The following SAMSN1 variants were observed in gnomAD, a reference collection of about 807,000 sequenced individuals.
SAMSN1 encodes SAM domain-containing protein SAMSN-1.
In SAMSN1, 31 loss-of-function variants were observed where a neutral mutation model predicts 42.0. The observed-to-expected ratio is 0.74, with a 90% CI of 0.55 to 1.00. SAMSN1 has a LOEUF of 1.00. Ranked by LOEUF, SAMSN1 falls within the 50% of genes least tolerant of loss-of-function variation. The pLI, the probability that SAMSN1 is intolerant of heterozygous loss-of-function variation, is 0.00. For synonymous variants in SAMSN1, 178 were observed against 151.9 expected (o/e 1.17, Z -1.26); for missense variants, 464 against 439.4 (o/e 1.06, Z -0.50).
chr21:14,658,380 G>T (rs991006609), intron 1 of SAMSN1, among the ~76,000 whole-genome samples: 3 of 151,708 alleles, frequency 2.0e-5, no homozygotes, highest in African/African-American at 7.3e-5. Flanking sequence ...TTGATTCCTG[G>T]GATGTCTCAA....
At chr21:14,566,630 C>T (rs550284287) in intron 2 of SAMSN1, among the ~76,000 whole-genome samples, 8 of 152,098 alleles carry the variant, frequency 5.3e-5, no homozygotes, top group Non-Finnish European at 8.8e-5. Flanking sequence ...TTCTGCCTCC[C>T]GGGTTCAAGC....
chr21:14,624,020 A>G (rs1983094244), intron 2 of SAMSN1, among the ~76,000 whole-genome samples: 1 of 152,256 alleles, frequency 6.6e-6, no homozygotes, highest in South Asian at 2.1e-4. Flanking sequence ...CTGCTCTTGA[A>G]TGACTACTGG....
At chr21:14,513,746 T>A (rs1261140294) in intron 3 of SAMSN1, among the ~76,000 whole-genome samples, 1 of 152,204 alleles carries the variant, frequency 6.6e-6, no homozygotes, top group Non-Finnish European at 1.5e-5. Context: ...TAAGAAGATG[T>A]AACTTATGTG....
intron 1 of SAMSN1, among the ~76,000 whole-genome samples, chr21:14,643,676 T>C (rs1188514937): frequency 2.6e-5 from 4 of 152,170 alleles, no homozygotes; most frequent in African/African-American, 7.2e-5. Context: ...TTAACAACTA[T>C]CTACACAGAA....
chr21:14,587,744 C>G (rs569973978), upstream of SAMSN1, among the ~76,000 whole-genome samples: 15 of 150,742 alleles, frequency 1.0e-4, 1 homozygote, highest in East Asian at 2.1e-3. Context: ...TATCCATCAC[C>G]TTATTTATTT....
intron 6 of SAMSN1, among the ~76,000 whole-genome samples, chr21:14,597,299 G>A (rs574362557): frequency 9.9e-5 from 15 of 152,116 alleles, no homozygotes; most frequent in Non-Finnish European, 2.1e-4. Flanking sequence ...ATGAAAAATT[G>A]GTCCCATTTT....
intron 2 of SAMSN1, among the ~76,000 whole-genome samples, chr21:14,625,109 G>A (rs1193401817): frequency 1.3e-5 from 2 of 151,988 alleles, no homozygotes; most frequent in African/African-American, 2.4e-5. Context: ...AATAAATTAG[G>A]TATTGATGGG....
chr21:14,636,782 T>G (rs1434425407), intron 2 of SAMSN1, among the ~76,000 whole-genome samples: 1 of 151,948 alleles, frequency 6.6e-6, no homozygotes, highest in Non-Finnish European at 1.5e-5. Context: ...TGGAATTGCT[T>G]GAACCCTGGG....
At chr21:14,497,975 G>A (rs530261997) in intron 7 of SAMSN1, among the ~76,000 whole-genome samples, 3 of 152,172 alleles carry the variant, frequency 2.0e-5, no homozygotes, top group Non-Finnish European at 4.4e-5. Flanking sequence ...ATAACATTTT[G>A]AAAGAGTACT....
rs140881281 is a variant in SAMSN1 at position 14,526,388 on chromosome 21, C to T, written c.58-5167G>A. On this transcript the variant is annotated intron_variant, in intron 1 of 7. Coordinates refer to ENST00000400566, the MANE Select transcript of SAMSN1 (RefSeq NM_022136.5). ...GCAGTTAACCTTCTTCCACACAGTC[C>T]ACTTGGCTTACCCAAAAATAGTACA... is the stretch of plus-strand genomic sequence containing the variant. 1.2e-3 allele frequency among the ~76,000 whole-genome samples: 176 copies of T among 152,250 alleles called. 1 individual carries two copies. The East Asian group carries it at 0.027, about 23-fold the overall frequency.
intron 2 of SAMSN1, among the ~76,000 whole-genome samples, chr21:14,636,859 G>A (rs1199370884): frequency 1.3e-5 from 2 of 151,694 alleles, no homozygotes; most frequent in Non-Finnish European, 2.9e-5. Context: ...GCGAGATTCC[G>A]TCTCAAAAAA....
intron 2 of SAMSN1, among the ~76,000 whole-genome samples, chr21:14,629,782 T>C (rs947609942): frequency 1.8e-4 from 28 of 152,210 alleles, no homozygotes; most frequent in African/African-American, 6.3e-4. Flanking sequence ...AGCAACAAAC[T>C]CTTCTCAGAG....
In SAMSN1 at chr21:14,500,648, T is replaced by C; in HGVS notation, c.649A>G (p.Ile217Val). ...TCTTCTGAGATGACATCCACATAAATGAATTTGAAGTTTCCCACTTTATTG... is the reference window on the plus strand; with the variant it reads ...TCTTCTGAGATGACATCCACATAAACGAATTTGAAGTTTCCCACTTTATTG... ...LNNKVGNFKF[I>V]YVDVISEEEA... The change falls in exon 6 of 8, where the codon ATT becomes GTT. Residue 217 changes from isoleucine (I) to valine (V), a missense_variant. Physicochemically the swap from Ile to Val is conservative, Grantham distance 29. Coordinates refer to ENST00000400566, the MANE Select transcript of SAMSN1 (RefSeq NM_022136.5). 3 of 1,614,188 alleles carry C rather than the reference T, an allele frequency of 1.9e-6. No homozygotes were observed. The highest frequency in any genetic ancestry group is 2.5e-6 in the Non-Finnish European group (3 of 1,180,004).
At chr21:14,580,556 C>G (rs779967975) in intron 2 of SAMSN1, among the ~76,000 whole-genome samples, 1 of 152,062 alleles carries the variant, frequency 6.6e-6, no homozygotes, top group South Asian at 2.1e-4. Flanking sequence ...GTGCAGCAGT[C>G]CCAGAAAAGA....
intron 1 of SAMSN1, among the ~76,000 whole-genome samples, chr21:14,523,865 A>T (rs1046750641): frequency 6.6e-6 from 1 of 152,182 alleles, no homozygotes; most frequent in Non-Finnish European, 1.5e-5. Context: ...CCCTCATTAT[A>T]TCAATAAAGA....
chr21:14,649,063 A>G (rs1197572893), intron 1 of SAMSN1, among the ~76,000 whole-genome samples: 10 of 152,094 alleles, frequency 6.6e-5, no homozygotes, highest in Non-Finnish European at 7.4e-5. Context: ...AATGTGGCAC[A>G]TATACACCAT....
At chr21:14,544,493 A>C (rs1326547758) in intron 1 of SAMSN1, among the ~76,000 whole-genome samples, 1 of 152,236 alleles carries the variant, frequency 6.6e-6, no homozygotes, top group Non-Finnish European at 1.5e-5. Flanking sequence ...ATCCAACTGA[A>C]TGTATGAAAA....
At chr21:14,567,482 T>C (rs1466234040) in intron 2 of SAMSN1, among the ~76,000 whole-genome samples, 1 of 152,202 alleles carries the variant, frequency 6.6e-6, no homozygotes, top group Non-Finnish European at 1.5e-5. Context: ...GGGATTTTTC[T>C]ACTCCACAAT....
chr21:14,620,476 C>T (rs549533451), intron 2 of SAMSN1, among the ~76,000 whole-genome samples: 6 of 152,154 alleles, frequency 3.9e-5, no homozygotes, highest in Non-Finnish European at 7.4e-5. Flanking sequence ...GACTATGAGT[C>T]CATTAAACCT....
Sources: gnomAD v4.1 joint callset for allele counts (sites outside exome capture counted in the v4.1 genomes callset) on GRCh38, gnomAD v4.1.1 for gene constraint, MANE v1.5 for transcripts, NCBI Gene and HGNC (gene_info 2026-07-23, HGNC 2026-07-21) for gene names.